The following PTPN5 variants were observed in gnomAD, a reference collection of about 807,000 sequenced individuals.
PTPN5 encodes the protein tyrosine-protein phosphatase non-receptor type 5.
Under a neutral mutation model 73.9 loss-of-function variants are expected in PTPN5, and 29 were observed. The ratio of observed to expected loss-of-function variants is 0.39; its 90% CI spans 0.29 to 0.54. The LOEUF (loss-of-function observed/expected upper bound fraction) is 0.54, where lower values mean the gene tolerates loss of function less well. Among genes scored for constraint, PTPN5 ranks in the 20% least tolerant of loss-of-function variants. The probability of loss-of-function intolerance (pLI) is 0.65; values close to 1 mark genes in which losing one functional copy is unlikely to be tolerated. For synonymous variants in PTPN5, 267 were observed against 304.7 expected (o/e 0.88, Z 1.29); for missense variants, 652 against 751.4 (o/e 0.87, Z 1.55).
chr11:18,762,019 G>A (rs928938058), intron 3 of PTPN5, among the ~76,000 whole-genome samples: 10 of 152,206 alleles, frequency 6.6e-5, no homozygotes, highest in East Asian at 3.9e-4. Flanking sequence ...ACGAGTGTGC[G>A]AGAGCACATG....
intron 3 of PTPN5, among the ~76,000 whole-genome samples, chr11:18,762,503 T>C (rs1850444010): frequency 1.3e-5 from 2 of 151,832 alleles, no homozygotes; most frequent in African/African-American, 4.8e-5. Flanking sequence ...TGGTGTAGAG[T>C]AGATTTCCAC....
In PTPN5 at chr11:18,742,270, C is replaced by T. The variant is rs775456006; in HGVS notation, c.717G>A (p.Leu239=). 1 of 1,614,176 alleles carries T rather than the reference C, an allele frequency of 6.2e-7. No homozygotes were observed. The highest frequency in any genetic ancestry group is 2.2e-5 in the East Asian group (1 of 44,878). Residue 239 remains leucine (L), a synonymous_variant, in exon 7 of 15, where the codon CTG becomes CTA. Transcript: ENST00000358540. The surrounding 1 kb of genome is among the most constrained non-coding windows in gnomAD (Gnocchi z 4.1). The part of the protein sequence containing the change: ...PTSLTVKSMG[L]QERRGSNVSL... Reference sequence around the variant, plus strand: ...TCCTCCACCCCTCCCACCTCTCCTGCAGACCCATGGACTTGACGGTGAGTG... The same window carrying T: ...TCCTCCACCCCTCCCACCTCTCCTGTAGACCCATGGACTTGACGGTGAGTG...
chr11:18,764,895 G>A (rs1404049413), intron 3 of PTPN5, among the ~76,000 whole-genome samples: 2 of 151,988 alleles, frequency 1.3e-5, no homozygotes, highest in African/African-American at 2.4e-5. Context: ...TGTATTTTTA[G>A]TAGAGACGGA....
chr11:18,777,247 C>T (rs536620479), intron 1 of PTPN5, among the ~76,000 whole-genome samples: 3 of 152,178 alleles, frequency 2.0e-5, no homozygotes, highest in Non-Finnish European at 4.4e-5. Context: ...ATCAAGGCTC[C>T]CCCACTGGCT....
At position 18,781,797 on chromosome 11, in the gene PTPN5, A is replaced by T. The variant is rs148517647; in HGVS notation, c.-113-9726T>A. Among the ~76,000 whole-genome samples the T allele has an allele frequency of 5.2e-3, 786 of 152,244 alleles. 2 individuals are homozygous for T. Among genetic ancestry groups the T allele is most frequent in the African/African-American group, 0.018 (743 of 41,556 alleles). ...CTGCCCTCCACCCAGCATTCGGCCT[A>T]GTGAGTTGAGTGAGAAATGCATTAA... On this transcript the variant is annotated intron_variant, in intron 1 of 14. Transcript: ENST00000358540.
upstream of PTPN5, chr11:18,792,035 C>T (rs902451871): frequency 3.3e-5 from 5 of 152,444 alleles, no homozygotes; most frequent in African/African-American, 1.2e-4. Flanking sequence ...TCGTCGCCCC[C>T]ATGCCAAGGT....
Position 18,773,644 on chromosome 11 carries a change from T to C in PTPN5, c.-113-1573A>G, listed in dbSNP as rs569165799. Among the ~76,000 whole-genome samples the C allele has an allele frequency of 9.7e-4, 148 of 152,214 alleles. No homozygotes were observed. The South Asian group carries it at 0.028, about 29-fold the overall frequency. ...GGCTGGGATTGAATTTCCTACCAGA[T>C]AGGGATGCTGGGGAGCTCTGAGTCT... On this transcript the variant is annotated intron_variant, in intron 1 of 14. Transcript: ENST00000358540.
chr11:18,766,873 T>C (rs1411773043), intron 2 of PTPN5, among the ~76,000 whole-genome samples: 1 of 152,172 alleles, frequency 6.6e-6, no homozygotes, highest in East Asian at 1.9e-4. Flanking sequence ...ATCCTCTCCC[T>C]TGCACACTGA....
chr11:18,785,942 A>T (rs1281374697), intron 1 of PTPN5, among the ~76,000 whole-genome samples: 1 of 152,198 alleles, frequency 6.6e-6, no homozygotes, highest in African/African-American at 2.4e-5. Flanking sequence ...GATCTCCCGC[A>T]TCTGGTGTGA....
intron 3 of PTPN5, chr11:18,749,295 G>A (rs1849776188): frequency 2.1e-6 from 1 of 482,270 alleles, no homozygotes; most frequent in African/African-American, 1.9e-5. Context: ...TCTTGCACAG[G>A]ATGATGGGAT....
chr11:18,749,883 C>T (rs1849807422), intron 3 of PTPN5, among the ~76,000 whole-genome samples: 1 of 152,210 alleles, frequency 6.6e-6, no homozygotes, highest in Non-Finnish European at 1.5e-5. Context: ...AAGGCTGGCT[C>T]AGTCTGTTCC....
chr11:18,742,384 G>A lies in PTPN5; in HGVS notation c.603C>T (p.Ile201=), dbSNP rs367543231. The A allele has an allele frequency of 5.8e-5, 94 of 1,614,012 alleles. No homozygotes were observed. The highest frequency in any genetic ancestry group is 6.9e-5 in the Non-Finnish European group (82 of 1,180,038). ...FTYSEWMEEK[I]EDDFLDLDPV... ...GGTCGAGGTCCAGGAAGTCATCCTC[G>A]ATCTTCTCCTCCATCCACTCTGAGT... Residue 201 remains isoleucine (I), a synonymous_variant, in exon 7 of 15, where the codon ATC becomes ATT. Transcript: ENST00000358540. The surrounding 1 kb of genome is among the most constrained non-coding windows in gnomAD (Gnocchi z 4.1).
chr11:18,763,315 T>G (rs1223576961), intron 3 of PTPN5, among the ~76,000 whole-genome samples: 2 of 152,148 alleles, frequency 1.3e-5, no homozygotes, highest in Non-Finnish European at 2.9e-5. Flanking sequence ...AGTGGCTCCA[T>G]GGGGACAACA....
chr11:18,751,566 T>A (rs1210943636), intron 3 of PTPN5, among the ~76,000 whole-genome samples: 1 of 151,542 alleles, frequency 6.6e-6, no homozygotes, highest in Non-Finnish European at 1.5e-5. Context: ...AAGGAGGAGG[T>A]AGGAAGATGA....
intron 7 of PTPN5, among the ~76,000 whole-genome samples, chr11:18,741,453 T>C (rs986474228): frequency 6.6e-6 from 1 of 152,164 alleles, no homozygotes; most frequent in African/African-American, 2.4e-5. Context: ...CCAAGAGTTG[T>C]CCAGGCTCTC....
In PTPN5 at chr11:18,733,682, G is replaced by A. The variant is rs1368488480; in HGVS notation, c.1001-47C>T. The A allele has an allele frequency of 1.3e-5, 20 of 1,539,656 alleles. No homozygotes were observed. The highest frequency in any genetic ancestry group is 1.6e-5 in the Non-Finnish European group (18 of 1,112,434). ...AAGGCTGGAAACTGGGCCCTCTGGTGCAGGACCCACTTGCTCTGGCCTATT... is the reference window on the plus strand; with the variant it reads ...AAGGCTGGAAACTGGGCCCTCTGGTACAGGACCCACTTGCTCTGGCCTATT... On this transcript the variant is annotated intron_variant, in intron 9 of 14. Transcript: ENST00000358540. The surrounding 1 kb of genome is among the most constrained non-coding windows in gnomAD (Gnocchi z 4.3).
upstream of PTPN5, chr11:18,791,843 T>C (rs1851949948): frequency 6.6e-6 from 1 of 151,886 alleles, no homozygotes; most frequent in African/African-American, 2.4e-5. Context: ...CAGCCCCGGC[T>C]CCGCCCCGCC....
chr11:18,755,784 T>A (rs1477649043), intron 3 of PTPN5, among the ~76,000 whole-genome samples: 1 of 152,024 alleles, frequency 6.6e-6, no homozygotes. Context: ...GGCGGGCAGA[T>A]CACAAGGTCA....
At chr11:18,790,818 A>T (rs931732766) in intron 1 of PTPN5, among the ~76,000 whole-genome samples, 2 of 152,106 alleles carry the variant, frequency 1.3e-5, no homozygotes, top group Admixed American at 6.5e-5. Flanking sequence ...CTCTCTGGTG[A>T]CCTTGGTCCG....
Sources: gnomAD v4.1 joint callset for allele counts (sites outside exome capture counted in the v4.1 genomes callset) on GRCh38, gnomAD v4.1.1 for gene constraint, Gnocchi (gnomAD v3.1) non-coding constraint, MANE v1.5 for transcripts, NCBI Gene and HGNC (gene_info 2026-07-23, HGNC 2026-07-21) for gene names.